Variants in SLC28A3 observed in about 807,000 individuals in gnomAD.
SLC28A3 encodes solute carrier family 28 member 3.
SLC28A3 carries 68 observed loss-of-function variants against 84.2 expected under a neutral mutation model. That is an observed-to-expected ratio of 0.81 (90% CI 0.66 to 0.99). The LOEUF (loss-of-function observed/expected upper bound fraction) is 0.99, where lower values mean the gene tolerates loss of function less well. SLC28A3 is among the 50% of genes least tolerant of loss of function. The pLI, the probability that SLC28A3 is intolerant of heterozygous loss-of-function variation, is 0.00. For missense variants in SLC28A3, 712 were observed against 841.5 expected, an observed-to-expected ratio of 0.85 and a Z score of 1.90; for synonymous variants, 267 against 303.6, an observed-to-expected ratio of 0.88 and a Z score of 1.25.
the SLC28A3 span, among the ~76,000 whole-genome samples, chr9:84,366,385 C>T: frequency 1.3e-5 from 2 of 152,046 alleles, no homozygotes; most frequent in Admixed American, 6.6e-5. Flanking sequence ...CAGGATTGGT[C>T]CATGTTGGCT....
the SLC28A3 span, among the ~76,000 whole-genome samples, chr9:84,361,249 G>A: frequency 6.6e-6 from 1 of 152,176 alleles, no homozygotes; most frequent in African/African-American, 2.4e-5. Flanking sequence ...GGAGGCTGAG[G>A]CAGGACAATT....
rs1185260160 is a variant in SLC28A3 at position 84,290,178 on chromosome 9, C to T, written c.1125G>A (p.Val375=). ...CCCCAAAAGAAATGTATGCACCTAG[C>T]ACGCTTCCAGCAATGGTAGAGAACC... The part of the protein sequence containing the change: ...TAGFSTIAGS[V]LGAYISFGVP... Residue 375 remains valine, a synonymous_variant, in exon 11 of 18, where the codon GTG becomes GTA. Transcript: ENST00000376238. The T allele has an allele frequency of 6.2e-7, 1 of 1,614,148 alleles. No homozygotes were observed. The highest frequency in any genetic ancestry group is 8.5e-7 in the Non-Finnish European group (1 of 1,179,994).
rs150130446 is a variant in SLC28A3, at chr9:84,313,311, G to A, written c.156+48C>T. 6,204 of 1,539,752 alleles carry A rather than the reference G, an allele frequency of 4.0e-3. 21 individuals carry two copies. Among genetic ancestry groups the A allele is most frequent in the Middle Eastern group, 5.9e-3 (32 of 5,420 alleles). ...CCCACTGTTCTCAGGTGCCTGTTGC[G>A]CAGCGGCTGCCATGGTACTAGAGTC... On this transcript the variant is annotated intron_variant, in intron 2 of 17. Transcript: ENST00000376238.
chr9:84,368,435 C>T, the SLC28A3 span, among the ~76,000 whole-genome samples: 3 of 152,068 alleles, frequency 2.0e-5, no homozygotes, highest in South Asian at 6.2e-4. Flanking sequence ...TTCTTTTCCC[C>T]CACACTGATA....
At chr9:84,289,345 T>G (rs1825120562) in intron 11 of SLC28A3, among the ~76,000 whole-genome samples, 2 of 152,244 alleles carry the variant, frequency 1.3e-5, no homozygotes, top group South Asian at 4.1e-4. Flanking sequence ...ACACAGTGAC[T>G]GGGCTGTGTT....
At position 84,276,846 on chromosome 9, in the gene SLC28A3, ATTAC is replaced by A. The variant is rs1359429701; in HGVS notation, c.*1368_*1371del. The A allele has an allele frequency of 6.6e-6, 1 of 152,226 alleles. No homozygotes were observed. Among genetic ancestry groups the A allele is most frequent in the Non-Finnish European group, 1.5e-5 (1 of 68,046 alleles). The allele number at this position is 152,226 out of a possible 1,614,324, so 9.4% of individuals were successfully genotyped here. ...AGAAGGAAAAATAGAAACAAAATAA[ATTAC>A]TTAAGGTATTTCAAAACCTTTTTCA... On this transcript the variant is annotated 3_prime_UTR_variant, in exon 18 of 18. Transcript: ENST00000376238.
At chr9:84,351,517 G>C in the SLC28A3 span, among the ~76,000 whole-genome samples, 3 of 151,946 alleles carry the variant, frequency 2.0e-5, no homozygotes, top group Non-Finnish European at 2.9e-5. Context: ...AAATTAGTTG[G>C]GCATGGTGGC....
chr9:84,294,390 G>T, intron 8 of SLC28A3, 115 bp from the exon 9 acceptor site: 1 of 928,682 alleles, frequency 1.1e-6, no homozygotes, highest in Non-Finnish European at 1.7e-6. Context: ...AAAAATATGG[G>T]AAACTCCTCT....
the SLC28A3 span, among the ~76,000 whole-genome samples, chr9:84,356,822 C>G: frequency 6.6e-6 from 1 of 151,540 alleles, no homozygotes; most frequent in African/African-American, 2.4e-5. Flanking sequence ...CAAAGTGAGA[C>G]TCTGTCTCAA....
chr9:84,346,902 C>T, the SLC28A3 span, among the ~76,000 whole-genome samples: 1 of 152,022 alleles, frequency 6.6e-6, no homozygotes, highest in Non-Finnish European at 1.5e-5. Flanking sequence ...GGGCAGGGCA[C>T]AGTGGTTCAT....
At chr9:84,336,841 G>T (rs1046134456) in intron 1 of SLC28A3, among the ~76,000 whole-genome samples, 1 of 152,156 alleles carries the variant, frequency 6.6e-6, no homozygotes, top group African/African-American at 2.4e-5. Flanking sequence ...AGGGTTCTGA[G>T]TCTGTACAGA....
At chr9:84,314,839 G>T (rs534247947) in intron 1 of SLC28A3, among the ~76,000 whole-genome samples, 20 of 152,352 alleles carry the variant, frequency 1.3e-4, no homozygotes, top group African/African-American at 4.8e-4. Flanking sequence ...AGCACTTTGG[G>T]AGGCCAAGGT....
the SLC28A3 span, among the ~76,000 whole-genome samples, chr9:84,363,393 A>G: frequency 6.6e-6 from 1 of 152,214 alleles, no homozygotes; most frequent in Non-Finnish European, 1.5e-5. Flanking sequence ...TCAAGTATTT[A>G]TTATGTACAC....
chr9:84,309,523 C>CAAAAAAAAAA lies in SLC28A3; in HGVS notation c.242+96_242+105dup, dbSNP rs71366931. 66 of 239,154 alleles carry CAAAAAAAAAA rather than the reference C, an allele frequency of 2.8e-4. 1 individual carries two copies. The highest frequency in any genetic ancestry group is 3.3e-4 in the Admixed American group (4 of 12,062). The allele number at this position is 239,154 out of a possible 1,614,324, so 14.8% of individuals were successfully genotyped here. ...GGGTGACAAAGTGAGACTCTTATCTCAAAAAAAAAAAAAAAAAAAAAAAAA... is the reference window on the plus strand; with the variant it reads ...GGGTGACAAAGTGAGACTCTTATCTCAAAAAAAAAAAAAAAAAAAAAAAAAAAAAAAAAAA... On this transcript the variant is annotated intron_variant, in intron 3 of 17. Coordinates refer to ENST00000376238, the MANE Select transcript of SLC28A3 (RefSeq NM_001199633.2).
At chr9:84,305,372 G>A in intron 3 of SLC28A3, 27 bp from the exon 4 acceptor site, 2 of 1,592,232 alleles carry the variant, frequency 1.3e-6, no homozygotes, top group South Asian at 1.1e-5. Context: ...AAAAGGCAGG[G>A]AGAAGTAAAC....
chr9:84,291,205 A>G (rs1179921272), intron 10 of SLC28A3, among the ~76,000 whole-genome samples: 1 of 152,188 alleles, frequency 6.6e-6, no homozygotes, highest in East Asian at 1.9e-4. Flanking sequence ...GGTAGGAGCA[A>G]TCAACTCAAG....
the SLC28A3 span, among the ~76,000 whole-genome samples, chr9:84,361,539 CCT>C: frequency 2.0e-5 from 3 of 152,156 alleles, no homozygotes; most frequent in Non-Finnish European, 1.5e-5. Context: ...CCTCGTGCCT[CCT>C]CTCTGATTTG....
chr9:84,323,375 A>T (rs961809748), intron 1 of SLC28A3, among the ~76,000 whole-genome samples: 1 of 151,552 alleles, frequency 6.6e-6, no homozygotes, highest in Non-Finnish European at 1.5e-5. Flanking sequence ...TAAAGCCTCA[A>T]CTCTTCACCT....
At position 84,297,201 on chromosome 9, in the gene SLC28A3, G is replaced by A. The variant is rs754401632; in HGVS notation, c.861+20C>T. 1 of 1,599,708 alleles carries A rather than the reference G, an allele frequency of 6.3e-7. No individual in the cohort carries two copies. The highest frequency in any genetic ancestry group is 8.5e-7 in the Non-Finnish European group (1 of 1,173,630). Reference sequence around the variant, plus strand: ...CCGCTGAAATAGCAGCGACTACATAGAAAAAAGGTTTGACTTTACCTTAAA... The same window carrying A: ...CCGCTGAAATAGCAGCGACTACATAAAAAAAAGGTTTGACTTTACCTTAAA... On this transcript the variant is annotated intron_variant, in intron 8 of 17. Coordinates refer to ENST00000376238, the MANE Select transcript of SLC28A3 (RefSeq NM_001199633.2).
Sources: allele counts gnomAD v4.1 joint callset (sites outside exome capture counted in the v4.1 genomes callset), GRCh38; gene constraint gnomAD v4.1.1; transcripts MANE v1.5; gene names NCBI Gene and HGNC (gene_info 2026-07-23, HGNC 2026-07-21).